Variants in COL6A5 observed in about 807,000 individuals in gnomAD.
The protein encoded by COL6A5 is collagen alpha-5(VI) chain.
Under a neutral mutation model 65.6 loss-of-function variants are expected in COL6A5, and 48 were observed. That is an observed-to-expected ratio of 0.73 (90% confidence interval 0.58 to 0.93). The LOEUF (loss-of-function observed/expected upper bound fraction) is 0.93. Ranked by LOEUF, COL6A5 falls within the 40% of genes least tolerant of loss-of-function variation. COL6A5 has a pLI of 0.00. For missense variants in COL6A5, 914 were observed against 928.3 expected, an observed-to-expected ratio of 0.98 and a Z score of 0.20; for synonymous variants, 291 against 322.8, an observed-to-expected ratio of 0.90 and a Z score of 1.05.
chr3:130,402,699 T>C (rs1159402334), intron 12 of COL6A5, among the ~76,000 whole-genome samples: 1 of 152,204 alleles, frequency 6.6e-6, no homozygotes, highest in African/African-American at 2.4e-5. Flanking sequence ...CTGGGACCAA[T>C]AATGCTCTAT....
intron 5 of COL6A5, among the ~76,000 whole-genome samples, chr3:130,388,343 TATGCATGCATGCATGC>T (rs71620080): frequency 6.6e-6 from 1 of 151,130 alleles, no homozygotes; most frequent in African/African-American, 2.4e-5. Flanking sequence ...ATAAATGAGT[TATGCATGCATGCATGC>T]ATGCATGAAT....
chr3:130,458,149 G>T (rs1709619311), intron 5 of COL6A5, among the ~76,000 whole-genome samples: 1 of 151,956 alleles, frequency 6.6e-6, no homozygotes, highest in Non-Finnish European at 1.5e-5. Context: ...CTCCCCATCT[G>T]CTCTGGTTTG....
chr3:130,466,327 T>A (rs1709814369), intron 5 of COL6A5, among the ~76,000 whole-genome samples: 1 of 151,946 alleles, frequency 6.6e-6, no homozygotes, highest in South Asian at 2.1e-4. Context: ...CTTTGAAAAC[T>A]CCCTAAGTAT....
In COL6A5 at chr3:130,401,636, C is replaced by A. The variant is rs1936819685; in HGVS notation, c.4135-126C>A. 6 of 707,908 alleles carry A rather than the reference C, an allele frequency of 8.5e-6. No individual in the cohort carries two copies. The South Asian group carries it at 1.1e-4, about 13-fold the overall frequency. 43.9% of individuals were successfully genotyped at this position (707,908 alleles called of 1,614,324 possible). A position where few individuals can be genotyped will look rare whatever the true frequency, so the allele number is the denominator to read the frequency against. On this transcript the variant is annotated intron_variant and NMD_transcript_variant, in intron 11 of 41. Coordinates refer to the COL6A5 transcript ENST00000312481. Reference sequence around the variant, plus strand: ...TTCAGAAAGCACCTCTTATTCTCTGCAGCCCCTCATCCAAAGGGTGAAGAT... The same window carrying A: ...TTCAGAAAGCACCTCTTATTCTCTGAAGCCCCTCATCCAAAGGGTGAAGAT...
chr3:130,474,290 A>G (rs753896755), intron 7 of COL6A5, among the ~76,000 whole-genome samples: 48 of 152,256 alleles, frequency 3.2e-4, no homozygotes, highest in Admixed American at 1.1e-3. Context: ...ACAATCAGAC[A>G]GCACTTGCAT....
In COL6A5 at chr3:130,468,821, G is replaced by T; in HGVS notation, c.1573G>T (p.Glu525Ter). 6.2e-7 allele frequency: 1 copy of T among 1,609,704 alleles called. No homozygotes were observed. The highest frequency in any genetic ancestry group is 8.5e-7 in the Non-Finnish European group (1 of 1,177,892). The change falls in exon 6 of 8, where the codon GAA (glutamate) becomes TAA (stop). Residue 525 changes from glutamate to a stop codon, truncating the protein, a stop_gained. Coordinates refer to ENST00000512836, the Ensembl canonical transcript of COL6A5. LOFTEE classifies it high-confidence loss of function. ...ACATGAAAATTATGGCAGAAAAGAA[G>T]AACCAGATCATACTTATGAACCTGG...
chr3:130,432,040 A>G, intron 1 of COL6A5, 91 bp downstream of exon 33: 5 of 1,332,254 alleles, frequency 3.8e-6, no homozygotes, highest in Non-Finnish European at 4.0e-6. Context: ...GTCAAGAAAT[A>G]TATGTGGCCT....
exon 5 of COL6A5, chr3:130,385,224 A>C (rs1430961050): frequency 3.9e-6 from 6 of 1,551,098 alleles, no homozygotes; most frequent in Non-Finnish European, 4.4e-6. Flanking sequence ...ATCACTGTTC[A>C]TGCAGTTGGC....
upstream of COL6A5, among the ~76,000 whole-genome samples, chr3:130,428,978 C>T (rs368013535): frequency 6.6e-6 from 1 of 152,182 alleles, no homozygotes; most frequent in African/African-American, 2.4e-5. Flanking sequence ...AATACTTTCC[C>T]GGATTCCTCT....
At chr3:130,483,744 CT>C (rs1238625842) in intron 7 of COL6A5, among the ~76,000 whole-genome samples, 1 of 152,144 alleles carries the variant, frequency 6.6e-6, no homozygotes, top group African/African-American at 2.4e-5. Flanking sequence ...TTGCACACCC[CT>C]TCAAGCACCT....
chr3:130,443,113 T>G (rs1462576628), intron 3 of COL6A5, among the ~76,000 whole-genome samples: 1 of 152,190 alleles, frequency 6.6e-6, no homozygotes, highest in Admixed American at 6.5e-5. Flanking sequence ...CTTGTCTCTG[T>G]TTGATCCGTT....
At chr3:130,441,354 C>T (rs145092826) in intron 3 of COL6A5, among the ~76,000 whole-genome samples, 1 of 152,148 alleles carries the variant, frequency 6.6e-6, no homozygotes, top group African/African-American at 2.4e-5. Flanking sequence ...AATGTCAATG[C>T]TGCTGGTTCA....
Position 130,439,701 on chromosome 3 carries a change from T to C in COL6A5, c.581+86T>C, listed in dbSNP as rs562861378. ...TTGAATGTGGTTTTATCCAGAGATT[T>C]CTATTTTTAATCATAGGTTCTATTT... is the stretch of plus-strand genomic sequence containing the variant. On this transcript the variant is annotated intron_variant, in intron 2 of 7. Transcript: ENST00000512836. The C allele has an allele frequency of 8.7e-6, 8 of 922,046 alleles. No homozygotes were observed. The African/African-American group carries it at 1.4e-4, about 16-fold the overall frequency. 57.1% of individuals were successfully genotyped at this position (922,046 alleles called of 1,614,324 possible). A position where few individuals can be genotyped will look rare whatever the true frequency, so the allele number is the denominator to read the frequency against.
exon 6 of COL6A5, chr3:130,469,112 A>G: frequency 6.2e-7 from 1 of 1,613,114 alleles, no homozygotes; most frequent in Non-Finnish European, 8.5e-7. Flanking sequence ...TATACACCAA[A>G]TGAAACATCA....
At chr3:130,439,340 TG>T (rs1162507542) in intron 1 of COL6A5, among the ~76,000 whole-genome samples, 181 bp from the exon 34 acceptor site, 2 of 5,870 alleles carry the variant, frequency 3.4e-4, no homozygotes, top group East Asian at 0.02. Flanking sequence ...AGCAGGGGAT[TG>T]TGTGTGTGTG....
intron 5 of COL6A5, among the ~76,000 whole-genome samples, chr3:130,456,765 T>A (rs1284869083): frequency 6.6e-6 from 1 of 152,106 alleles, no homozygotes; most frequent in African/African-American, 2.4e-5. Flanking sequence ...TACATAAGTA[T>A]AAGAGAAAAA....
intron 27 of COL6A5, 109 bp downstream of exon 27, chr3:130,421,469 G>A (rs1937516641): frequency 1.9e-6 from 2 of 1,050,446 alleles, no homozygotes; most frequent in Admixed American, 4.3e-5. Flanking sequence ...AGAAACCAAG[G>A]ACAGTTGTTT....
In COL6A5 at chr3:130,424,420, G is replaced by A. The variant is rs111443932; in HGVS notation, c.5163+520G>A. Among the ~76,000 whole-genome samples the A allele has an allele frequency of 4.6e-3, 698 of 152,100 alleles. 31 individuals are homozygous for A. The highest frequency in any genetic ancestry group is 0.043 in the Admixed American group (657 of 15,238). On this transcript the variant is annotated intron_variant and NMD_transcript_variant, in intron 29 of 41. Coordinates refer to the COL6A5 transcript ENST00000312481. ...AGAGTCAGGCATATCTCCCACTGAC[G>A]AAATAGCCATCTCTCTATTTTAGTG...
chr3:130,481,213 C>T (rs1025358191), intron 7 of COL6A5, among the ~76,000 whole-genome samples: 10 of 146,664 alleles, frequency 6.8e-5, no homozygotes, highest in Non-Finnish European at 1.4e-4. Flanking sequence ...CACCCCCCGA[C>T]AAGCCCCAGT....
Sources: allele counts gnomAD v4.1 joint callset (sites outside exome capture counted in the v4.1 genomes callset), GRCh38; gene constraint gnomAD v4.1.1; transcripts MANE v1.5; gene names NCBI Gene and HGNC (gene_info 2026-07-23, HGNC 2026-07-21).